The following TDRD12 variants were observed in gnomAD, a reference collection of about 807,000 sequenced individuals.
TDRD12 encodes the protein tudor domain containing 12, also known as putative ATP-dependent RNA helicase TDRD12.
Under a neutral mutation model 133.5 loss-of-function variants are expected in TDRD12, and 158 were observed. The ratio of observed to expected loss-of-function variants is 1.18; its 90% CI spans 1.04 to 1.35. TDRD12 has a LOEUF of 1.35. Among genes scored for constraint, TDRD12 ranks in the 40% most tolerant of loss-of-function variants. TDRD12 has a pLI of 0.00. For synonymous variants in TDRD12, 460 were observed against 477.9 expected, an observed-to-expected ratio of 0.96 and a Z score of 0.49; for missense variants, 1,443 against 1,321.3, an observed-to-expected ratio of 1.09 and a Z score of -1.43.
At chr19:32,813,849 C>A in intron 25 of TDRD12, 73 bp downstream of exon 25, 1 of 876,112 alleles carries the variant, frequency 1.1e-6, no homozygotes. Context: ...TATTCTAAGC[C>A]CTCACTTGAA....
intron 11 of TDRD12, among the ~76,000 whole-genome samples, chr19:32,785,636 C>G (rs1970885683): frequency 6.6e-6 from 1 of 151,158 alleles, no homozygotes; most frequent in African/African-American, 2.4e-5. Flanking sequence ...CTTTATGAAT[C>G]TAGTTAGCTC....
intron 3 of TDRD12, among the ~76,000 whole-genome samples, chr19:32,739,795 T>C (rs75370531): frequency 7.4e-6 from 1 of 134,456 alleles, no homozygotes. Context: ...ATCTCCTGGG[T>C]GCTCTCTGCA....
At chr19:32,734,594 A>G (rs1183232771) in intron 2 of TDRD12, among the ~76,000 whole-genome samples, 2 of 151,790 alleles carry the variant, frequency 1.3e-5, no homozygotes, top group African/African-American at 4.8e-5. Flanking sequence ...GCTGGTCACG[A>G]ACTCCTGGGC....
chr19:32,801,881 T>C lies in TDRD12; in HGVS notation c.2197+8T>C. 9.2e-7 allele frequency: 1 copy of C among 1,082,166 alleles called. No homozygotes were observed. Among genetic ancestry groups the C allele is most frequent in the Non-Finnish European group, 1.3e-6 (1 of 768,880 alleles). 67.0% of individuals were successfully genotyped at this position (1,082,166 alleles called of 1,614,324 possible). On this transcript the variant is annotated splice_region_variant and intron_variant, in intron 19 of 27. Transcript: ENST00000444215. ...GCTCTCAAATTATATTAGGTAAGTGTTTTAATTTCTACTTCTATTTAGTGA... is the reference window on the plus strand; with the variant it reads ...GCTCTCAAATTATATTAGGTAAGTGCTTTAATTTCTACTTCTATTTAGTGA...
chr19:32,734,071 A>G (rs1274240433), intron 2 of TDRD12, among the ~76,000 whole-genome samples: 1 of 151,396 alleles, frequency 6.6e-6, no homozygotes, highest in Non-Finnish European at 1.5e-5. Context: ...TCGTTTTTGT[A>G]TTTTTAGTAG....
intron 25 of TDRD12, among the ~76,000 whole-genome samples, chr19:32,814,020 C>T (rs8110811): frequency 0.15 from 23,255 of 152,178 alleles, 1,850 homozygotes; most frequent in East Asian, 0.28. Flanking sequence ...GCGAGGCACA[C>T]GCACGCACAC....
At chr19:32,739,285 A>G (rs1011030983) in intron 3 of TDRD12, among the ~76,000 whole-genome samples, 1 of 151,616 alleles carries the variant, frequency 6.6e-6, no homozygotes, top group African/African-American at 2.4e-5. Flanking sequence ...TGCTCTCTGC[A>G]TCTCCTGGCT....
At chr19:32,752,363 A>T (rs1477278972) in intron 6 of TDRD12, among the ~76,000 whole-genome samples, 1 of 151,796 alleles carries the variant, frequency 6.6e-6, no homozygotes, top group Admixed American at 6.6e-5. Flanking sequence ...TATTTTTAGT[A>T]GAGATGGGGT....
chr19:32,777,826 TATATATATATATATATATATATATATATA>T (rs1970628891), intron 11 of TDRD12, among the ~76,000 whole-genome samples: 22 of 5,950 alleles, frequency 3.7e-3, no homozygotes, highest in Non-Finnish European at 6.3e-3. Context: ...TATATATATA[TATATATATATATATATATATATATATATA>T]TATTTTTTTT....
At chr19:32,801,689 T>C (rs1971394312) in intron 18 of TDRD12, 67 bp from the exon 19 acceptor site, 1 of 506,058 alleles carries the variant, frequency 2.0e-6, no homozygotes, top group Admixed American at 3.8e-5. Context: ...TGACAATTAT[T>C]GATGGAACGG....
downstream of TDRD12, among the ~76,000 whole-genome samples, chr19:32,822,379 C>T (rs188406801): frequency 1.3e-3 from 196 of 152,306 alleles, no homozygotes; most frequent in African/African-American, 4.3e-3. Flanking sequence ...TTGCAGTGAG[C>T]CAAGATTGTA....
Position 32,772,816 on chromosome 19 carries a change from AAC to A in TDRD12, c.932_933del (p.His311ProfsTer10). Reference sequence around the variant, plus strand: ...TCACCTAAAGACAAATCTGAAAAGAAACACCATTGCATCTCTTTAAAAGATAC... The same window carrying A: ...TCACCTAAAGACAAATCTGAAAAGAAACCATTGCATCTCTTTAAAAGATAC... On this transcript the variant is annotated frameshift_variant, in exon 9 of 28. Coordinates refer to ENST00000444215, the Ensembl canonical transcript of TDRD12. LOFTEE classifies it high-confidence loss of function. 1.3e-6 allele frequency: 2 copies of A among 1,511,556 alleles called. No homozygotes were observed. The highest frequency in any genetic ancestry group is 1.8e-6 in the Non-Finnish European group (2 of 1,130,386). 93.6% of individuals were successfully genotyped at this position (1,511,556 alleles called of 1,614,324 possible).
downstream of TDRD12, chr19:32,824,238 A>G (rs908525945): frequency 6.6e-6 from 1 of 152,542 alleles, no homozygotes; most frequent in Non-Finnish European, 1.5e-5. Context: ...TGATGCATCC[A>G]TTGTGCTGCC....
chr19:32,796,336 T>A, intron 14 of TDRD12: 1 of 251,300 alleles, frequency 4.0e-6, no homozygotes, highest in Non-Finnish European at 6.3e-6. Flanking sequence ...ATGCCTGTAA[T>A]CCAGCACTTT....
rs147288932 is a variant in TDRD12 at position 32,767,447 on chromosome 19, T to C, written c.866-5306T>C. On this transcript the variant is annotated intron_variant, in intron 8 of 27. Coordinates refer to ENST00000444215, the Ensembl canonical transcript of TDRD12. ...CCCAGACTGTTGTCATGCATTTTAA[T>C]TCTACATATATTAGAAACCCCACAA... Among the ~76,000 whole-genome samples, 78 of 152,312 alleles carry C rather than the reference T, an allele frequency of 5.1e-4. No individual in the cohort carries two copies. In the East Asian group the frequency reaches 0.013, roughly 26 times the overall value.
At chr19:32,802,171 A>AT (rs971303195) in intron 19 of TDRD12, among the ~76,000 whole-genome samples, 11 of 142,370 alleles carry the variant, frequency 7.7e-5, no homozygotes, top group African/African-American at 1.1e-4. Flanking sequence ...ATGATAATAT[A>AT]TATCATATAT....
chr19:32,762,517 G>T (rs1970178719), intron 8 of TDRD12, among the ~76,000 whole-genome samples: 1 of 152,130 alleles, frequency 6.6e-6, no homozygotes, highest in East Asian at 1.9e-4. Context: ...TTGGGAGCTG[G>T]CAAGCTCTGA....
intron 1 of TDRD12, among the ~76,000 whole-genome samples, chr19:32,722,148 G>C (rs1299007079): frequency 6.6e-6 from 1 of 152,150 alleles, no homozygotes; most frequent in African/African-American, 2.4e-5. Context: ...TAGGTGTTCA[G>C]ATCCACCAGG....
chr19:32,735,634 C>G (rs898746055), intron 2 of TDRD12, among the ~76,000 whole-genome samples: 7 of 152,182 alleles, frequency 4.6e-5, no homozygotes, highest in African/African-American at 1.4e-4. Context: ...TACAAGACAG[C>G]CTTCTATTGG....
Sources: allele counts gnomAD v4.1 joint callset (sites outside exome capture counted in the v4.1 genomes callset), GRCh38; gene constraint gnomAD v4.1.1; transcripts MANE v1.5; gene names NCBI Gene and HGNC (gene_info 2026-07-23, HGNC 2026-07-21).